Variants in LUZP2 observed in about 807,000 individuals in gnomAD.
The protein encoded by LUZP2 is leucine zipper protein 2.
A neutral mutation model predicts 51.6 loss-of-function variants in LUZP2; 52 were observed. That is an observed-to-expected ratio of 1.01 (90% CI 0.81 to 1.27). The LOEUF is 1.27. LUZP2 is among the 50% of genes most tolerant of loss of function. LUZP2 has a pLI of 0.00. For missense variants in LUZP2, 436 were observed against 395.4 expected (o/e 1.10, Z -0.87); for synonymous variants, 154 against 137.3 (o/e 1.12, Z -0.85).
intron 5 of LUZP2, among the ~76,000 whole-genome samples, chr11:24,876,834 A>G (rs543093366): frequency 6.6e-6 from 1 of 152,098 alleles, no homozygotes; most frequent in Admixed American, 6.6e-5. Flanking sequence ...TGCTTCCCTG[A>G]TGGTAGAACA....
At chr11:24,990,815 T>G (rs1298780647) in intron 9 of LUZP2, among the ~76,000 whole-genome samples, 1 of 151,988 alleles carries the variant, frequency 6.6e-6, no homozygotes, top group Non-Finnish European at 1.5e-5. Context: ...TTTTATTCTA[T>G]ATATATTTTT....
chr11:24,821,079 A>G (rs1311395111), intron 5 of LUZP2, among the ~76,000 whole-genome samples: 1 of 152,184 alleles, frequency 6.6e-6, no homozygotes, highest in Non-Finnish European at 1.5e-5. Context: ...TATCGAAATC[A>G]CTGTCTCATA....
intron 9 of LUZP2, among the ~76,000 whole-genome samples, chr11:25,039,804 C>T (rs1285987456): frequency 6.6e-6 from 1 of 152,116 alleles, no homozygotes; most frequent in Non-Finnish European, 1.5e-5. Context: ...TTTATTGCAG[C>T]AAATCTCTAT....
At chr11:24,937,923 GAA>G (rs906306894) in intron 7 of LUZP2, among the ~76,000 whole-genome samples, 1 of 148,988 alleles carries the variant, frequency 6.7e-6, no homozygotes, top group East Asian at 2.0e-4. Context: ...AAGAAAGAAA[GAA>G]AAAAAAATAC....
At chr11:24,596,665 C>T (rs1235242368) in intron 1 of LUZP2, among the ~76,000 whole-genome samples, 2 of 152,046 alleles carry the variant, frequency 1.3e-5, no homozygotes, top group African/African-American at 4.8e-5. Flanking sequence ...TGGCTGTAAG[C>T]AATACGTTCT....
intron 1 of LUZP2, among the ~76,000 whole-genome samples, chr11:24,642,245 A>AAACT (rs1333186932): frequency 6.6e-6 from 1 of 151,780 alleles, no homozygotes; most frequent in Non-Finnish European, 1.5e-5. Flanking sequence ...TCTTTAGCAG[A>AAACT]GTTACACAAC....
intron 9 of LUZP2, among the ~76,000 whole-genome samples, chr11:25,021,915 T>C (rs1427465630): frequency 2.0e-5 from 3 of 152,058 alleles, no homozygotes; most frequent in Non-Finnish European, 2.9e-5. Context: ...GGAGAGATGA[T>C]TAAGCAGGCA....
chr11:24,716,466 G>A lies in LUZP2; in HGVS notation c.63-12703G>A, dbSNP rs137921224. 2.5e-3 allele frequency among the ~76,000 whole-genome samples: 374 copies of A among 152,260 alleles called. 4 individuals are homozygous for A. The highest frequency in any genetic ancestry group is 4.2e-3 in the Non-Finnish European group (288 of 68,024). ...TAAACAGTTAGAAATATAAATTACGGCAGGACAGACATCAAAGGAGTGAAA... is the reference window on the plus strand; with the variant it reads ...TAAACAGTTAGAAATATAAATTACGACAGGACAGACATCAAAGGAGTGAAA... On this transcript the variant is annotated intron_variant, in intron 1 of 11. Transcript: ENST00000336930.
At chr11:24,609,760 A>C (rs1232237115) in intron 1 of LUZP2, among the ~76,000 whole-genome samples, 2 of 130,558 alleles carry the variant, frequency 1.5e-5, no homozygotes, top group African/African-American at 2.8e-5. Context: ...AAAAAAAAAG[A>C]GATGGTAGCA....
chr11:24,948,645 AT>A (rs1854969670), intron 7 of LUZP2, among the ~76,000 whole-genome samples: 1 of 151,774 alleles, frequency 6.6e-6, no homozygotes, highest in South Asian at 2.1e-4. Flanking sequence ...ATCCTGCTGA[AT>A]ATAGACAGTA....
chr11:25,024,761 C>T (rs1857435491), intron 9 of LUZP2, among the ~76,000 whole-genome samples: 1 of 150,502 alleles, frequency 6.6e-6, no homozygotes, highest in Non-Finnish European at 1.5e-5. Flanking sequence ...CGTCAAGCTA[C>T]CAATGACTTT....
intron 7 of LUZP2, among the ~76,000 whole-genome samples, chr11:24,926,591 G>GTATATATGTA: frequency 6.8e-6 from 1 of 146,048 alleles, no homozygotes; most frequent in South Asian, 2.1e-4. Context: ...ATATATGTGT[G>GTATATATGTA]TATATATATG....
chr11:24,762,064 T>C (rs942876893), intron 4 of LUZP2, among the ~76,000 whole-genome samples: 1 of 139,562 alleles, frequency 7.2e-6, no homozygotes, highest in African/African-American at 2.7e-5. Flanking sequence ...ATCTGGTTAA[T>C]GTGTAGGGTT....
Position 24,751,613 on chromosome 11 carries a change from A to G in LUZP2, c.334-11633A>G, listed in dbSNP as rs971302196. 28 of 980,932 alleles carry G rather than the reference A, an allele frequency of 2.9e-5. No homozygotes were observed. In the African/African-American group the frequency reaches 4.0e-4, roughly 14 times the overall value. The allele number at this position is 980,932 out of a possible 1,614,324, so 60.8% of individuals were successfully genotyped here. A position where few individuals can be genotyped will look rare whatever the true frequency, so the allele number is the denominator to read the frequency against. On this transcript the variant is annotated intron_variant, in intron 4 of 11. Transcript: ENST00000336930. ...CCCCTAAGAGCATTCTATGCTTTCA[A>G]AGTTTTCTATCCTGGGTTTTTCATT...
intron 1 of LUZP2, among the ~76,000 whole-genome samples, chr11:24,653,467 A>T (rs578088689): frequency 6.6e-6 from 1 of 152,278 alleles, no homozygotes; most frequent in African/African-American, 2.4e-5. Context: ...AATGTTTTGT[A>T]TGTCTATAGC....
chr11:24,622,088 G>C (rs1442275245), intron 1 of LUZP2, among the ~76,000 whole-genome samples: 1 of 151,728 alleles, frequency 6.6e-6, no homozygotes, highest in Admixed American at 6.6e-5. Context: ...CTACAGGCAT[G>C]TGCCACCAGG....
intron 1 of LUZP2, among the ~76,000 whole-genome samples, chr11:24,677,531 A>G (rs2133862190): frequency 6.6e-6 from 1 of 152,340 alleles, no homozygotes; most frequent in South Asian, 2.1e-4. Context: ...TTTGCAAATT[A>G]GGCATTTTTA....
intron 1 of LUZP2, among the ~76,000 whole-genome samples, chr11:24,538,650 A>T (rs1851257045): frequency 5.0e-5 from 3 of 60,514 alleles, no homozygotes; most frequent in African/African-American, 1.6e-4. Flanking sequence ...TGTGTTTTTT[A>T]TATGTGTGTG....
intron 5 of LUZP2, among the ~76,000 whole-genome samples, chr11:24,850,740 TC>T (rs1851366414): frequency 6.6e-6 from 1 of 152,230 alleles, no homozygotes; most frequent in Non-Finnish European, 1.5e-5. Flanking sequence ...TATTGATTCT[TC>T]CTATCCATGA....
Sources: gnomAD v4.1 joint callset for allele counts (sites outside exome capture counted in the v4.1 genomes callset) on GRCh38, gnomAD v4.1.1 for gene constraint, MANE v1.5 for transcripts, NCBI Gene and HGNC (gene_info 2026-07-23, HGNC 2026-07-21) for gene names.